The following RMND1 variants were observed in gnomAD, a reference collection of about 807,000 sequenced individuals.
The protein encoded by RMND1 is required for meiotic nuclear division 1 homolog, also known as required for meiotic nuclear division protein 1 homolog.
In RMND1, 41 loss-of-function variants were observed where a neutral mutation model predicts 54.0. The ratio of observed to expected loss-of-function variants is 0.76; its 90% CI spans 0.59 to 0.98. RMND1 has a LOEUF of 0.98. Among genes scored for constraint, RMND1 ranks in the 50% least tolerant of loss-of-function variants. The pLI is 0.00. For synonymous variants in RMND1, 183 were observed against 181.7 expected, an observed-to-expected ratio of 1.01 and a Z score of -0.06; for missense variants, 457 against 532.0, an observed-to-expected ratio of 0.86 and a Z score of 1.39.
chr6:151,440,853 G>C (rs1780755962), intron 2 of RMND1, among the ~76,000 whole-genome samples: 1 of 151,904 alleles, frequency 6.6e-6, no homozygotes, highest in Admixed American at 6.6e-5. Context: ...AGATGCTGTT[G>C]TTTTCTGAGC....
At chr6:151,410,221 A>G (rs918450542) in intron 10 of RMND1, among the ~76,000 whole-genome samples, 1 of 151,784 alleles carries the variant, frequency 6.6e-6, no homozygotes, top group Middle Eastern at 3.4e-3. Flanking sequence ...CGCCCAGCTA[A>G]TTTTTTTGTA....
intron 10 of RMND1, among the ~76,000 whole-genome samples, chr6:151,407,865 C>T (rs976907846): frequency 6.6e-5 from 10 of 151,902 alleles, no homozygotes; most frequent in East Asian, 1.9e-4. Context: ...GAGCCAAGAT[C>T]GCGCCACTGC....
At chr6:151,407,743 T>TA (rs1294351455) in intron 10 of RMND1, among the ~76,000 whole-genome samples, 1 of 151,860 alleles carries the variant, frequency 6.6e-6, no homozygotes, top group African/African-American at 2.4e-5. Context: ...CCATCTCTAC[T>TA]AAAAATACAA....
rs778325943 is a variant in RMND1, at chr6:151,405,196, TTGAA to T, written c.*35_*38del. The T allele has an allele frequency of 5.0e-6, 8 of 1,587,188 alleles. 1 individual carries two copies. The South Asian group carries it at 7.7e-5, about 15-fold the overall frequency. On this transcript the variant is annotated 3_prime_UTR_variant, in exon 12 of 12. Transcript: ENST00000444024. ...AACATTTAATTTTTGATTGTAGAAC[TTGAA>T]TATCTCTTGCAGTGACACTTTGGTT...
chr6:151,443,055 CAG>C (rs1158406871), intron 2 of RMND1, among the ~76,000 whole-genome samples: 10 of 152,150 alleles, frequency 6.6e-5, no homozygotes, highest in Admixed American at 1.3e-4. Flanking sequence ...TGACACAAAG[CAG>C]AGTCTTTTCC....
chr6:151,448,216 ACCT>A (rs1486378233), intron 1 of RMND1, among the ~76,000 whole-genome samples: 1 of 151,736 alleles, frequency 6.6e-6, no homozygotes, highest in Non-Finnish European at 1.5e-5. Flanking sequence ...AATACATCGG[ACCT>A]CCTCATCTCA....
In RMND1 at chr6:151,452,056, G is replaced by A. The variant is rs1042160683; in HGVS notation, c.-55C>T. On this transcript the variant is annotated 5_prime_UTR_variant, in exon 1 of 12. Transcript: ENST00000444024. ...GAAGAAGGAAGCGCCAGGGACGCACGCTTCCTCGGCAGGACTGCAGGGAAA... is the reference window on the plus strand; with the variant it reads ...GAAGAAGGAAGCGCCAGGGACGCACACTTCCTCGGCAGGACTGCAGGGAAA... The A allele has an allele frequency of 2.5e-5, 4 of 161,826 alleles. No homozygotes were observed. 10.0% of individuals were successfully genotyped at this position (161,826 alleles called of 1,614,324 possible).
chr6:151,428,153 A>G (rs1003758400), intron 5 of RMND1, among the ~76,000 whole-genome samples: 11 of 152,176 alleles, frequency 7.2e-5, no homozygotes, highest in Non-Finnish European at 1.3e-4. Context: ...AAAGCCCAAC[A>G]TACTAATAAA....
chr6:151,445,848 T>C (rs1165829766), intron 1 of RMND1, 23 bp from the exon 2 acceptor site: 1 of 1,509,752 alleles, frequency 6.6e-7, no homozygotes, highest in African/African-American at 1.4e-5. Context: ...GAATTCAAAG[T>C]TCAAGTTTTT....
At chr6:151,413,909 C>T (rs1193802273) in intron 10 of RMND1, 1 of 152,160 alleles carries the variant, frequency 6.6e-6, no homozygotes, top group East Asian at 1.9e-4. Flanking sequence ...AAGACACCTA[C>T]AGAGGAATAG....
chr6:151,445,345 G>A lies in RMND1; in HGVS notation c.467C>T (p.Pro156Leu). The A allele has an allele frequency of 6.2e-7, 1 of 1,613,284 alleles. No individual in the cohort carries two copies. Among genetic ancestry groups the A allele is most frequent in the South Asian group, 1.1e-5 (1 of 91,002 alleles). The change falls in exon 2 of 12, where the codon CCA becomes CTA. Residue 156 changes from proline to leucine, a missense_variant. Physicochemically the swap from Pro to Leu is moderately conservative, Grantham distance 98. Transcript: ENST00000444024. ...CAGAACTGGAAGGTTGGTCCTGGAT[G>A]GCTGTCTGGTCCTGGATGCTTTTAG... ...RPLKASRTRQ[P>L]SRTNLPVLSV...
At chr6:151,410,210 A>G (rs565167910) in intron 10 of RMND1, among the ~76,000 whole-genome samples, 10 of 151,904 alleles carry the variant, frequency 6.6e-5, no homozygotes, top group Admixed American at 5.2e-4. Flanking sequence ...GCCCGCCACC[A>G]CGCCCAGCTA....
Position 151,436,407 on chromosome 6 carries a change from C to T in RMND1, c.613+39G>A, listed in dbSNP as rs781397388. 2 of 1,611,436 alleles carry T rather than the reference C, an allele frequency of 1.2e-6. 1 individual carries two copies. The highest frequency in any genetic ancestry group is 2.2e-5 in the South Asian group (2 of 90,988). ...AGTATCATAGGAAAATTATCCAATA[C>T]ATTTTAACATACTTGGCCCCAGGTT... On this transcript the variant is annotated intron_variant, in intron 3 of 11. Transcript: ENST00000444024.
intron 7 of RMND1, 28 bp downstream of exon 7, chr6:151,423,497 C>T: frequency 1.4e-6 from 2 of 1,392,996 alleles, no homozygotes; most frequent in Non-Finnish European, 2.0e-6. Flanking sequence ...AACTGTAGTA[C>T]CCTATCCCAT....
At chr6:151,451,849 G>C (rs868711441) in intron 1 of RMND1, among the ~76,000 whole-genome samples, 167 bp downstream of exon 1, 18 of 152,150 alleles carry the variant, frequency 1.2e-4, no homozygotes, top group South Asian at 2.1e-4. Flanking sequence ...CATTAATTGA[G>C]TGCTTTTTAC....
At chr6:151,440,299 C>T (rs202019653) in intron 2 of RMND1, among the ~76,000 whole-genome samples, 3 of 152,078 alleles carry the variant, frequency 2.0e-5, no homozygotes, top group Non-Finnish European at 4.4e-5. Context: ...TTTTAAAAAC[C>T]GCCACTTGGA....
At chr6:151,443,370 G>A (rs1412583791) in intron 2 of RMND1, among the ~76,000 whole-genome samples, 4 of 152,084 alleles carry the variant, frequency 2.6e-5, no homozygotes, top group East Asian at 3.9e-4. Flanking sequence ...GGAGTGCAGT[G>A]GCATGATCTC....
chr6:151,433,887 C>T (rs541578109), intron 3 of RMND1, among the ~76,000 whole-genome samples: 136 of 150,932 alleles, frequency 9.0e-4, no homozygotes, highest in African/African-American at 3.1e-3. Flanking sequence ...CAGGCTGAAG[C>T]GCAGTGCCAT....
intron 10 of RMND1, among the ~76,000 whole-genome samples, chr6:151,415,616 C>G (rs1464987020): frequency 6.6e-6 from 1 of 151,648 alleles, no homozygotes; most frequent in Non-Finnish European, 1.5e-5. Context: ...CAGTGAAACC[C>G]CATCTCTACT....
Sources: gnomAD v4.1 joint callset for allele counts (sites outside exome capture counted in the v4.1 genomes callset) on GRCh38, gnomAD v4.1.1 for gene constraint, MANE v1.5 for transcripts, NCBI Gene and HGNC (gene_info 2026-07-23, HGNC 2026-07-21) for gene names.